The following HERC1 variants were observed in gnomAD, a reference collection of about 807,000 sequenced individuals.
HERC1 encodes probable E3 ubiquitin-protein ligase HERC1.
In HERC1, 160 loss-of-function variants were observed where a neutral mutation model predicts 554.3. That is an observed-to-expected ratio of 0.29 (90% CI 0.25 to 0.33). The LOEUF is 0.33. HERC1 is among the 10% of genes least tolerant of loss of function. The pLI, the probability that HERC1 is intolerant of heterozygous loss-of-function variation, is 1.00. For missense variants in HERC1, 4,919 were observed against 5,918.5 expected (o/e 0.83, Z 5.54); for synonymous variants, 2,175 against 2,131.7 (o/e 1.02, Z -0.56).
chr15:63,833,150 C>G (rs1001574269), intron 1 of HERC1, among the ~76,000 whole-genome samples: 1 of 152,202 alleles, frequency 6.6e-6, no homozygotes, highest in African/African-American at 2.4e-5. Context: ...CCTGTCATCA[C>G]CATCATCATC....
Position 63,696,135 on chromosome 15 carries a change from G to A in HERC1, c.5110C>T (p.His1704Tyr). The change falls in exon 27 of 78, where the codon CAT becomes TAT. Residue 1704 changes from histidine (H) to tyrosine (Y), a missense_variant. Physicochemically the swap from His to Tyr is moderately conservative, Grantham distance 83. Coordinates refer to ENST00000443617, the MANE Select transcript of HERC1 (RefSeq NM_003922.4). ...AAGGTGTCACCTACCTGATAGTGAT[G>A]CAATCGGCCACTCTCTCCCTTGCCT... ...TGGKGESGRLHHYQDGIRAAK... is the reference protein window; with the variant it reads ...TGGKGESGRLYHYQDGIRAAK... 6.2e-7 allele frequency: 1 copy of A among 1,611,216 alleles called. No homozygotes were observed. Among genetic ancestry groups the A allele is most frequent in the South Asian group, 1.1e-5 (1 of 90,738 alleles).
intron 65 of HERC1, 73 bp downstream of exon 65, chr15:63,635,888 C>G: frequency 6.9e-7 from 1 of 1,453,400 alleles, no homozygotes; most frequent in South Asian, 1.3e-5. Flanking sequence ...TTTCTGTTAC[C>G]TAATTTTAAG....
At chr15:63,772,911 C>T (rs542266234) in intron 2 of HERC1, among the ~76,000 whole-genome samples, 40 of 152,104 alleles carry the variant, frequency 2.6e-4, no homozygotes, top group African/African-American at 9.2e-4. Flanking sequence ...AAACATGACC[C>T]AATATTTACC....
intron 51 of HERC1, among the ~76,000 whole-genome samples, chr15:63,653,281 A>C (rs780461153): frequency 3.3e-5 from 5 of 152,084 alleles, no homozygotes; most frequent in Non-Finnish European, 7.4e-5. Context: ...TCTCCACTAA[A>C]AATACAAAAA....
At position 63,622,905 on chromosome 15, in the gene HERC1, A is replaced by C; in HGVS notation, c.13612-14T>G. On this transcript the variant is annotated splice_polypyrimidine_tract_variant and intron_variant, in intron 73 of 77. Transcript: ENST00000443617. The stretch of plus-strand genomic sequence containing the variant: ...AGTTTCAAGTTCCTGCAGAAGAAAG[A>C]AAAAAATTTTTTGAGAAATGACAAT... The C allele has an allele frequency of 6.4e-7, 1 of 1,568,964 alleles. No homozygotes were observed. The highest frequency in any genetic ancestry group is 8.6e-7 in the Non-Finnish European group (1 of 1,159,384).
chr15:63,747,862 G>A lies in HERC1; in HGVS notation c.2220-4C>T. 1 of 1,537,690 alleles carries A rather than the reference G, an allele frequency of 6.5e-7. No individual in the cohort carries two copies. The stretch of plus-strand genomic sequence containing the variant: ...TCGGTGCCATGCAACAACTTGTCTA[G>A]AAGGACACATAAGAAAATAATAAAA... On this transcript the variant is annotated splice_region_variant and splice_polypyrimidine_tract_variant and intron_variant, in intron 10 of 77. Coordinates refer to ENST00000443617, the MANE Select transcript of HERC1 (RefSeq NM_003922.4).
chr15:63,751,572 C>T (rs1250927714), intron 8 of HERC1, among the ~76,000 whole-genome samples: 3 of 152,052 alleles, frequency 2.0e-5, no homozygotes, highest in African/African-American at 7.3e-5. Context: ...GAGACTGGAC[C>T]ATACTATATA....
chr15:63,723,814 G>A (rs1235084967), intron 18 of HERC1, among the ~76,000 whole-genome samples: 2 of 152,088 alleles, frequency 1.3e-5, no homozygotes, highest in African/African-American at 2.4e-5. Flanking sequence ...AGTTAAAAAT[G>A]ATCCATGTAA....
At chr15:63,688,526 G>A (rs1246414341) in intron 33 of HERC1, among the ~76,000 whole-genome samples, 1 of 152,188 alleles carries the variant, frequency 6.6e-6, no homozygotes, top group Admixed American at 6.5e-5. Flanking sequence ...TCTTTGAGAA[G>A]AAATGTGGAT....
At position 63,664,496 on chromosome 15, in the gene HERC1, G is replaced by A; in HGVS notation, c.8654C>T (p.Ala2885Val). ...AVTRRHKFDL[A>V]ARTLLARAAG... ...TGCTCTTGCTAGCAGTGTGCGAGCA[G>A]CTAAGTCAAACTTGTGTCTTCTTGT... Residue 2885 changes from alanine (A) to valine (V), a missense_variant, in exon 43 of 78, where the codon GCT becomes GTT. Physicochemically the swap from Ala to Val is moderately conservative, Grantham distance 64. Coordinates refer to ENST00000443617, the MANE Select transcript of HERC1 (RefSeq NM_003922.4). The A allele has an allele frequency of 6.2e-7, 1 of 1,613,690 alleles. No homozygotes were observed. Among genetic ancestry groups the A allele is most frequent in the Non-Finnish European group, 8.5e-7 (1 of 1,179,662 alleles).
chr15:63,622,506 C>T (rs1056631179), intron 74 of HERC1, among the ~76,000 whole-genome samples: 4 of 151,802 alleles, frequency 2.6e-5, no homozygotes, highest in African/African-American at 9.7e-5. Flanking sequence ...CTAATTTTTG[C>T]ATTTTTAGTA....
At chr15:63,633,649 C>G (rs1170762088) in intron 67 of HERC1, among the ~76,000 whole-genome samples, 199 bp downstream of exon 67, 3 of 152,174 alleles carry the variant, frequency 2.0e-5, no homozygotes, top group Non-Finnish European at 2.9e-5. Context: ...AATTTTAAAT[C>G]CAGTTTAGCT....
chr15:63,746,219 G>A (rs2075049301), intron 12 of HERC1, among the ~76,000 whole-genome samples: 1 of 151,804 alleles, frequency 6.6e-6, no homozygotes, highest in Admixed American at 6.6e-5. Context: ...GTTTTGGTAT[G>A]TTAAGTTTTT....
rs1001866108 is a variant in HERC1, at chr15:63,718,363, G to A, written c.3978+211C>T. 9.0e-6 allele frequency: 4 copies of A among 446,808 alleles called. No individual in the cohort carries two copies. Among genetic ancestry groups the A allele is most frequent in the Non-Finnish European group, 1.6e-5 (4 of 254,738 alleles). 27.7% of individuals were successfully genotyped at this position (446,808 alleles called of 1,614,324 possible). ...ATTAATATTTATGCAGCCAACTAAA[G>A]TTTCTTAGAACCAATATCACACTTG... On this transcript the variant is annotated intron_variant, in intron 21 of 77. Transcript: ENST00000443617. This position sits in a 1 kb window ranked among gnomAD's most constrained non-coding sequence, Gnocchi z 4.2.
chr15:63,802,263 T>C (rs1015974634), intron 1 of HERC1, among the ~76,000 whole-genome samples: 2 of 152,182 alleles, frequency 1.3e-5, no homozygotes, highest in African/African-American at 4.8e-5. Flanking sequence ...CTGTGCAAAA[T>C]TGAACTCCTG....
intron 60 of HERC1, among the ~76,000 whole-genome samples, chr15:63,640,698 A>G (rs975316784): frequency 1.3e-5 from 2 of 152,184 alleles, no homozygotes; most frequent in African/African-American, 4.8e-5. Context: ...ACAAACTAAC[A>G]TTGGTACAAT....
intron 1 of HERC1, among the ~76,000 whole-genome samples, chr15:63,822,658 A>G (rs2077743713): frequency 6.6e-6 from 1 of 152,182 alleles, no homozygotes; most frequent in African/African-American, 2.4e-5. Context: ...GGAGTGATTA[A>G]CATTTGAAAA....
Position 63,756,700 on chromosome 15 carries a change from C to G in HERC1, c.1270G>C (p.Val424Leu), listed in dbSNP as rs1337128937. The G allele has an allele frequency of 6.2e-7, 1 of 1,612,510 alleles. No individual in the cohort carries two copies. Residue 424 changes from valine to leucine, a missense_variant, in exon 5 of 78, where the codon GTT becomes CTT. By Grantham distance (32) the Val-to-Leu change is conservative (BLOSUM62 1). This residue lies in a region of HERC1 where 744 missense variants were observed against 1,090.0 expected (regional missense o/e 0.68). Transcript: ENST00000443617. This position sits in a 1 kb window ranked among gnomAD's most constrained non-coding sequence, Gnocchi z 5.0. ...CTFVISTDGS[V>L]RACGKGSYGR... Reference sequence around the variant, plus strand: ...TAGCTGCCTTTCCCGCAAGCTCTAACAGAGCCATCCGTAGAAATGACAAAA... The same window carrying G: ...TAGCTGCCTTTCCCGCAAGCTCTAAGAGAGCCATCCGTAGAAATGACAAAA...
chr15:63,618,306 T>C (rs1459226372), intron 74 of HERC1, among the ~76,000 whole-genome samples: 2 of 152,200 alleles, frequency 1.3e-5, no homozygotes, highest in African/African-American at 4.8e-5. Flanking sequence ...AAAGATCAGA[T>C]AGTTGTAGAT....
Sources: allele counts gnomAD v4.1 joint callset (sites outside exome capture counted in the v4.1 genomes callset), GRCh38; gene constraint gnomAD v4.1.1; regional missense constraint gnomAD v4.1.1; non-coding constraint Gnocchi (gnomAD v3.1); transcripts MANE v1.5; gene names NCBI Gene and HGNC (gene_info 2026-07-23, HGNC 2026-07-21).